Variants in B4GALT5 observed in about 807,000 individuals in gnomAD.
The protein encoded by B4GALT5 is beta-1,4-galactosyltransferase 5.
A neutral mutation model predicts 45.0 loss-of-function variants in B4GALT5; 11 were observed. The ratio of observed to expected loss-of-function variants is 0.24; its 90% CI spans 0.15 to 0.40. B4GALT5 has a LOEUF of 0.40. Ranked by LOEUF, B4GALT5 falls within the 10% of genes least tolerant of loss-of-function variation. The pLI is 1.00. For synonymous variants in B4GALT5, 185 were observed against 182.9 expected (o/e 1.01, Z -0.09); for missense variants, 337 against 500.2 (o/e 0.67, Z 3.11).
At chr20:49,682,160 C>T (rs979712500) in intron 1 of B4GALT5, among the ~76,000 whole-genome samples, 1 of 152,164 alleles carries the variant, frequency 6.6e-6, no homozygotes, top group South Asian at 2.1e-4. Context: ...ACACATCAAA[C>T]TCTGGACAAT....
At chr20:49,676,317 T>C (rs1188777550) in intron 1 of B4GALT5, among the ~76,000 whole-genome samples, 1 of 152,118 alleles carries the variant, frequency 6.6e-6, no homozygotes, top group East Asian at 1.9e-4. Context: ...TCCCCCTAAA[T>C]GAATCCACAG....
chr20:49,685,406 A>G (rs6019974), intron 1 of B4GALT5, among the ~76,000 whole-genome samples: 2,191 of 152,234 alleles, frequency 0.014, 58 homozygotes, highest in African/African-American at 0.05. Context: ...TAACCAACAG[A>G]AAACGAAAAA....
At chr20:49,669,327 C>A (rs1391960010) in intron 1 of B4GALT5, among the ~76,000 whole-genome samples, 2 of 152,182 alleles carry the variant, frequency 1.3e-5, no homozygotes, top group African/African-American at 4.8e-5. Flanking sequence ...AGACTGTAAG[C>A]TCCTTAAGAG....
At chr20:49,651,405 A>G (rs1245933325) in intron 2 of B4GALT5, among the ~76,000 whole-genome samples, 1 of 151,916 alleles carries the variant, frequency 6.6e-6, no homozygotes, top group East Asian at 1.9e-4. Context: ...CCTGGCCAAC[A>G]TAGTGAAACC....
intron 1 of B4GALT5, among the ~76,000 whole-genome samples, chr20:49,685,720 G>C (rs1463938822): frequency 6.6e-6 from 1 of 152,148 alleles, no homozygotes; most frequent in African/African-American, 2.4e-5. Flanking sequence ...TAGAAAAGTA[G>C]AAAAATAACA....
chr20:49,653,505 A>G (rs1454442605), intron 2 of B4GALT5, among the ~76,000 whole-genome samples: 1 of 152,254 alleles, frequency 6.6e-6, no homozygotes, highest in East Asian at 1.9e-4. Flanking sequence ...AAGATGACAA[A>G]AGGAATGAAG....
chr20:49,661,228 C>CT (rs1409206249), intron 1 of B4GALT5, among the ~76,000 whole-genome samples: 1 of 152,074 alleles, frequency 6.6e-6, no homozygotes, highest in African/African-American at 2.4e-5. Flanking sequence ...ATGAGCTTTA[C>CT]TTTGTTTTTT....
chr20:49,667,399 C>T (rs1469568283), intron 1 of B4GALT5, among the ~76,000 whole-genome samples: 1 of 151,948 alleles, frequency 6.6e-6, no homozygotes, highest in Non-Finnish European at 1.5e-5. Context: ...CTACAGGTGC[C>T]TGCCACCTCG....
chr20:49,710,405 C>CTCTTT (rs60154358), intron 1 of B4GALT5, among the ~76,000 whole-genome samples: 2,494 of 102,210 alleles, frequency 0.024, 123 homozygotes, highest in African/African-American at 0.08. Context: ...TTTTCTCTCT[C>CTCTTT]TTTTTTTTTT....
chr20:49,678,258 A>G (rs1480423938), intron 1 of B4GALT5, among the ~76,000 whole-genome samples: 1 of 152,264 alleles, frequency 6.6e-6, no homozygotes, highest in East Asian at 1.9e-4. Context: ...ATGAAGGTCA[A>G]CTTGGTTACT....
chr20:49,663,698 CATATATATA>C, intron 1 of B4GALT5, among the ~76,000 whole-genome samples: 1 of 78,588 alleles, frequency 1.3e-5, no homozygotes, highest in Non-Finnish European at 2.2e-5. Context: ...AAAATATATA[CATATATATA>C]TATATATATA....
At chr20:49,668,132 A>C (rs954057146) in intron 1 of B4GALT5, among the ~76,000 whole-genome samples, 2 of 152,276 alleles carry the variant, frequency 1.3e-5, no homozygotes, top group African/African-American at 4.8e-5. Context: ...TGATTTGAGG[A>C]AACTTTTGCT....
intron 1 of B4GALT5, among the ~76,000 whole-genome samples, chr20:49,706,979 A>G (rs2085886931): frequency 6.6e-6 from 1 of 152,146 alleles, no homozygotes; most frequent in South Asian, 2.1e-4. Context: ...CTAAAGAGGC[A>G]TGGCAACACA....
chr20:49,695,681 G>A (rs2085836843), intron 1 of B4GALT5, among the ~76,000 whole-genome samples: 1 of 152,234 alleles, frequency 6.6e-6, no homozygotes, highest in African/African-American at 2.4e-5. Flanking sequence ...GATTACAGGT[G>A]TGAGCCACCG....
At chr20:49,674,047 C>T (rs1373764514) in intron 1 of B4GALT5, among the ~76,000 whole-genome samples, 4 of 131,322 alleles carry the variant, frequency 3.0e-5, no homozygotes, top group African/African-American at 1.1e-4. Flanking sequence ...ACCATCCTGG[C>T]TAACACAGTG....
At chr20:49,680,458 C>T (rs969663753) in intron 1 of B4GALT5, among the ~76,000 whole-genome samples, 11 of 152,166 alleles carry the variant, frequency 7.2e-5, no homozygotes, top group Admixed American at 2.0e-4. Flanking sequence ...CATGCTGTAA[C>T]ATAGATGAAC....
At chr20:49,706,649 T>C (rs537299194) in intron 1 of B4GALT5, among the ~76,000 whole-genome samples, 15 of 152,310 alleles carry the variant, frequency 9.8e-5, no homozygotes, top group East Asian at 3.9e-4. Flanking sequence ...TATTGGCTAC[T>C]AGAAAGTGAA....
Position 49,638,859 on chromosome 20 carries a change from G to A in B4GALT5, c.917+819C>T, listed in dbSNP as rs188073253. Among the ~76,000 whole-genome samples, 621 of 152,182 alleles carry A rather than the reference G, an allele frequency of 4.1e-3. 3 individuals are homozygous for A. The highest frequency in any genetic ancestry group is 6.6e-3 in the Non-Finnish European group (450 of 68,006). ...GGAAAAGATTCTAAATATACACCAG[G>A]AAATAGTTACATAAATTACAGTACA... On this transcript the variant is annotated intron_variant, in intron 7 of 8. Transcript: ENST00000371711.
At chr20:49,645,998 C>T (rs2085597572) in intron 3 of B4GALT5, among the ~76,000 whole-genome samples, 1 of 151,896 alleles carries the variant, frequency 6.6e-6, no homozygotes, top group African/African-American at 2.4e-5. Flanking sequence ...CCAGCCTGGG[C>T]AACATAGTAA....
Sources: gnomAD v4.1 joint callset for allele counts (sites outside exome capture counted in the v4.1 genomes callset) on GRCh38, gnomAD v4.1.1 for gene constraint, MANE v1.5 for transcripts, NCBI Gene and HGNC (gene_info 2026-07-23, HGNC 2026-07-21) for gene names.